Variants in BTBD9 observed in about 807,000 individuals in gnomAD.
BTBD9 encodes BTB/POZ domain-containing protein 9.
BTBD9 carries 49 observed loss-of-function variants against 64.3 expected under a neutral mutation model. The ratio of observed to expected loss-of-function variants is 0.76; its 90% CI spans 0.61 to 0.97. BTBD9 has a LOEUF of 0.97. Ranked by LOEUF, BTBD9 falls within the 50% of genes least tolerant of loss-of-function variation. BTBD9 has a pLI of 0.00. For synonymous variants in BTBD9, 260 were observed against 274.7 expected, an observed-to-expected ratio of 0.95 and a Z score of 0.53; for missense variants, 598 against 762.1, an observed-to-expected ratio of 0.78 and a Z score of 2.53.
chr6:38,450,462 T>TACTATTCCACTA (rs1460267809), intron 6 of BTBD9, among the ~76,000 whole-genome samples: 1 of 152,192 alleles, frequency 6.6e-6, no homozygotes, highest in African/African-American at 2.4e-5. Flanking sequence ...ATGCATTAGT[T>TACTATTCCACTA]AGCTAGATCT....
At chr6:38,253,208 A>G (rs1414283312) in intron 9 of BTBD9, among the ~76,000 whole-genome samples, 4 of 152,230 alleles carry the variant, frequency 2.6e-5, no homozygotes, top group African/African-American at 9.6e-5. Context: ...GAAATATCCA[A>G]GACTGAGTAA....
At chr6:38,423,179 C>T (rs941464719) in intron 6 of BTBD9, among the ~76,000 whole-genome samples, 4 of 152,136 alleles carry the variant, frequency 2.6e-5, no homozygotes, top group East Asian at 1.9e-4. Context: ...ACACGAGAAT[C>T]GCTTGAACCT....
intron 6 of BTBD9, among the ~76,000 whole-genome samples, chr6:38,410,933 C>T (rs1767398555): frequency 6.6e-6 from 1 of 152,006 alleles, no homozygotes; most frequent in Non-Finnish European, 1.5e-5. Context: ...CAAGTGGTTC[C>T]CTGCATGTAT....
At chr6:38,311,557 G>A (rs913413973) in intron 7 of BTBD9, among the ~76,000 whole-genome samples, 1 of 152,130 alleles carries the variant, frequency 6.6e-6, no homozygotes, top group Non-Finnish European at 1.5e-5. Flanking sequence ...TGCAGATATC[G>A]TTTCAATATA....
chr6:38,639,644 A>C (rs376599463), intron 1 of BTBD9, among the ~76,000 whole-genome samples, 156 bp downstream of exon 1: 19 of 151,996 alleles, frequency 1.3e-4, no homozygotes, highest in African/African-American at 4.1e-4. Context: ...GGCCCAAGAA[A>C]TGACCCTCGT....
At chr6:38,351,819 G>A (rs2395697) in intron 6 of BTBD9, among the ~76,000 whole-genome samples, 9,283 of 152,080 alleles carry the variant, frequency 0.061, 744 homozygotes, top group East Asian at 0.37. Flanking sequence ...TTATTTGGGG[G>A]AAAAGTGAAT....
At chr6:38,497,628 G>A (rs902919340) in intron 6 of BTBD9, among the ~76,000 whole-genome samples, 2 of 152,092 alleles carry the variant, frequency 1.3e-5, no homozygotes, top group Admixed American at 6.6e-5. Flanking sequence ...AAAGATGAAA[G>A]GGAGGAAAAG....
At chr6:38,627,726 C>T (rs944754278) in intron 1 of BTBD9, among the ~76,000 whole-genome samples, 7 of 152,024 alleles carry the variant, frequency 4.6e-5, no homozygotes, top group African/African-American at 1.7e-4. Context: ...AAATTACCTC[C>T]TTAAAAAGTG....
At chr6:38,519,904 A>T (rs1365876909) in intron 6 of BTBD9, among the ~76,000 whole-genome samples, 1 of 152,224 alleles carries the variant, frequency 6.6e-6, no homozygotes, top group Non-Finnish European at 1.5e-5. Flanking sequence ...AGGCAATAAT[A>T]AGCATTGCAG....
At chr6:38,551,295 G>A (rs116511546) in intron 6 of BTBD9, among the ~76,000 whole-genome samples, 2,260 of 152,288 alleles carry the variant, frequency 0.015, 43 homozygotes, top group African/African-American at 0.051. Context: ...CAGGCAGGGC[G>A]ATGTTCACTC....
At chr6:38,617,904 C>T (rs116761167) in intron 1 of BTBD9, among the ~76,000 whole-genome samples, 2,657 of 152,242 alleles carry the variant, frequency 0.017, 59 homozygotes, top group African/African-American at 0.057. Flanking sequence ...CAACCTTTCT[C>T]GGTCCTCTTT....
At chr6:38,430,727 C>G (rs1346055742) in intron 6 of BTBD9, among the ~76,000 whole-genome samples, 2 of 151,674 alleles carry the variant, frequency 1.3e-5, no homozygotes, top group African/African-American at 4.9e-5. Flanking sequence ...GTTGACCAGG[C>G]TGGTCTCGAA....
In BTBD9 at chr6:38,421,633, T is replaced by G. The variant is rs966006571; in HGVS notation, c.1155-76540A>C. On this transcript the variant is annotated intron_variant, in intron 6 of 10. Coordinates refer to ENST00000481247, the MANE Select transcript of BTBD9 (RefSeq NM_001099272.2). Reference sequence around the variant, plus strand: ...TTTTAGTGGTTCATAGTAATATAGCTAGTCATAATCATCCTCTATGTCTAA... The same window carrying G: ...TTTTAGTGGTTCATAGTAATATAGCGAGTCATAATCATCCTCTATGTCTAA... 2.8e-4 allele frequency among the ~76,000 whole-genome samples: 42 copies of G among 152,234 alleles called. 1 individual carries two copies. The highest frequency in any genetic ancestry group is 9.6e-4 in the African/African-American group (40 of 41,460).
chr6:38,229,920 C>CA (rs1429603811), intron 9 of BTBD9, among the ~76,000 whole-genome samples: 13 of 152,164 alleles, frequency 8.5e-5, no homozygotes. Flanking sequence ...CCTTTCAGGG[C>CA]ATTGATAAAA....
chr6:38,334,991 G>A (rs1763837884), intron 7 of BTBD9, among the ~76,000 whole-genome samples: 1 of 152,132 alleles, frequency 6.6e-6, no homozygotes, highest in Non-Finnish European at 1.5e-5. Context: ...TGGATCATGA[G>A]GGTGGAATTT....
intron 6 of BTBD9, among the ~76,000 whole-genome samples, chr6:38,494,546 TG>T (rs1206298660): frequency 1.3e-5 from 2 of 152,252 alleles, no homozygotes; most frequent in Non-Finnish European, 2.9e-5. Context: ...ATACAAATTA[TG>T]GAACTCTATT....
At chr6:38,455,347 T>G (rs60274369) in intron 6 of BTBD9, among the ~76,000 whole-genome samples, 2,728 of 152,308 alleles carry the variant, frequency 0.018, 73 homozygotes, top group African/African-American at 0.062. Context: ...CCTCATTTTT[T>G]TCTTTTGAGA....
chr6:38,469,726 T>C (rs947983145), intron 6 of BTBD9, among the ~76,000 whole-genome samples: 1 of 152,226 alleles, frequency 6.6e-6, no homozygotes, highest in African/African-American at 2.4e-5. Context: ...TTTTGTCGTC[T>C]GAGTAGTTTT....
At chr6:38,501,460 T>C (rs1428739625) in intron 6 of BTBD9, among the ~76,000 whole-genome samples, 5 of 152,210 alleles carry the variant, frequency 3.3e-5, no homozygotes, top group African/African-American at 4.8e-5. Context: ...CTTGGGCACA[T>C]AGTAAACACT....
Sources: gnomAD v4.1 joint callset for allele counts (sites outside exome capture counted in the v4.1 genomes callset) on GRCh38, gnomAD v4.1.1 for gene constraint, MANE v1.5 for transcripts, NCBI Gene and HGNC (gene_info 2026-07-23, HGNC 2026-07-21) for gene names.